Variants in SNTG1 observed in about 807,000 individuals in gnomAD.
SNTG1 encodes syntrophin gamma 1.
In SNTG1, 39 loss-of-function variants were observed where a neutral mutation model predicts 74.7. That is an observed-to-expected ratio of 0.52 (90% CI 0.40 to 0.68). SNTG1 has a LOEUF of 0.68. SNTG1 is among the 30% of genes least tolerant of loss of function. The pLI, the probability that SNTG1 is intolerant of heterozygous loss-of-function variation, is 0.00. For synonymous variants in SNTG1, 254 were observed against 217.1 expected (o/e 1.17, Z -1.49); for missense variants, 685 against 609.5 (o/e 1.12, Z -1.30).
At chr8:50,714,164 T>G (rs545225651) in intron 17 of SNTG1, among the ~76,000 whole-genome samples, 2 of 152,164 alleles carry the variant, frequency 1.3e-5, no homozygotes, top group Admixed American at 1.3e-4. Flanking sequence ...GTGTTATTTC[T>G]GATCCCTCTG....
At position 50,368,604 on chromosome 8, in the gene SNTG1, C is replaced by T. The variant is rs116201302; in HGVS notation, c.-27-25608C>T. Among the ~76,000 whole-genome samples the T allele has an allele frequency of 1.8e-3, 280 of 152,088 alleles. 2 individuals are homozygous for T. Among genetic ancestry groups the T allele is most frequent in the African/African-American group, 6.5e-3 (268 of 41,500 alleles). ...TGGATTACACCATCAAAGATCCGGC[C>T]CGTTTGAACTGAAGAGGATAGGGGG... On this transcript the variant is annotated intron_variant, in intron 2 of 18. Transcript: ENST00000642720.
intron 1 of SNTG1, among the ~76,000 whole-genome samples, chr8:50,113,004 T>C (rs1207864710): frequency 1.3e-5 from 2 of 152,154 alleles, no homozygotes; most frequent in Non-Finnish European, 2.9e-5. Flanking sequence ...AGCCCTGTAG[T>C]ATAGTTTGAA....
At chr8:50,351,422 A>T (rs1239181910) in intron 2 of SNTG1, among the ~76,000 whole-genome samples, 2 of 152,216 alleles carry the variant, frequency 1.3e-5, no homozygotes, top group African/African-American at 4.8e-5. Flanking sequence ...CTACCCTTGG[A>T]GCTTTCTAGA....
intron 1 of SNTG1, among the ~76,000 whole-genome samples, chr8:50,152,135 G>A (rs540039508): frequency 5.9e-5 from 9 of 152,168 alleles, no homozygotes; most frequent in East Asian, 3.9e-4. Flanking sequence ...TCTTCTTGTC[G>A]AATTTCTCCC....
chr8:50,464,606 T>C (rs1337545217), intron 8 of SNTG1, among the ~76,000 whole-genome samples: 1 of 151,896 alleles, frequency 6.6e-6, no homozygotes, highest in African/African-American at 2.4e-5. Context: ...ATAATTATAA[T>C]AGCAACAACT....
intron 15 of SNTG1, among the ~76,000 whole-genome samples, chr8:50,683,580 A>G (rs539480459): frequency 6.6e-6 from 1 of 152,296 alleles, no homozygotes; most frequent in South Asian, 2.1e-4. Flanking sequence ...TGCAATTTTT[A>G]CATCTCCCTA....
Position 50,553,059 on chromosome 8 carries a change from CT to C in SNTG1, c.693del (p.Gln232LysfsTer28), listed in dbSNP as rs2094436372. 6.2e-7 allele frequency: 1 copy of C among 1,613,674 alleles called. No homozygotes were observed. Among genetic ancestry groups the C allele is most frequent in the African/African-American group, 1.3e-5 (1 of 74,894 alleles). ...PGTDLSRQNA[F>X]QVIAVDGVCT... ...TTCTGAACATCTGCAGGCAGAATGC[CT>C]TTCAAGTCATTGCTGTGGATGGGGT... On this transcript the variant is annotated frameshift_variant, in exon 12 of 19. Coordinates refer to ENST00000642720, the MANE Select transcript of SNTG1 (RefSeq NM_018967.5). LOFTEE classifies it high-confidence loss of function.
intron 1 of SNTG1, among the ~76,000 whole-genome samples, chr8:50,081,647 T>G (rs1303727919): frequency 6.6e-6 from 1 of 152,094 alleles, no homozygotes; most frequent in Non-Finnish European, 1.5e-5. Context: ...TTGTTTGGTA[T>G]TTTTTAGATG....
Position 50,794,082 on chromosome 8 carries a change from G to C in SNTG1, c.*1253G>C, listed in dbSNP as rs1317966180. On this transcript the variant is annotated 3_prime_UTR_variant, in exon 19 of 19. Coordinates refer to ENST00000642720, the MANE Select transcript of SNTG1 (RefSeq NM_018967.5). ...AACACAGTCTCTGTCCTTCAGTACA[G>C]CTTTTTTGAGATATTTTAAAAAGTC... is the stretch of plus-strand genomic sequence containing the variant. 1.3e-5 allele frequency: 2 copies of C among 150,994 alleles called. No individual in the cohort carries two copies. Among genetic ancestry groups the C allele is most frequent in the Non-Finnish European group, 3.0e-5 (2 of 67,768 alleles). 9.4% of individuals were successfully genotyped at this position (150,994 alleles called of 1,614,324 possible). A position where few individuals can be genotyped will look rare whatever the true frequency, so the allele number is the denominator to read the frequency against.
intron 1 of SNTG1, among the ~76,000 whole-genome samples, chr8:50,131,611 T>C (rs566764412): frequency 6.6e-6 from 1 of 152,276 alleles, no homozygotes; most frequent in Non-Finnish European, 1.5e-5. Flanking sequence ...TGTTTTCATA[T>C]CTTGGCTATT....
chr8:50,698,076 T>TG (rs1299362133), intron 15 of SNTG1, among the ~76,000 whole-genome samples: 1 of 152,162 alleles, frequency 6.6e-6, no homozygotes, highest in Non-Finnish European at 1.5e-5. Flanking sequence ...TTTTCTTTGT[T>TG]GGGAGACTTT....
rs1015909396 is a variant in SNTG1 at position 50,441,869 on chromosome 8, T to A, written c.219+3270T>A. Among the ~76,000 whole-genome samples the A allele has an allele frequency of 1.3e-4, 20 of 152,210 alleles. 1 individual carries two copies. The highest frequency in any genetic ancestry group is 6.5e-5 in the Admixed American group (1 of 15,282). The stretch of plus-strand genomic sequence containing the variant: ...GGTAGGAATTACTGATTTATCTTCA[T>A]GGACTTATTTGTCCTTTAGATTCCT... On this transcript the variant is annotated intron_variant, in intron 5 of 18. Coordinates refer to ENST00000642720, the MANE Select transcript of SNTG1 (RefSeq NM_018967.5).
At chr8:50,633,789 G>A (rs945500009) in intron 13 of SNTG1, among the ~76,000 whole-genome samples, 1 of 152,150 alleles carries the variant, frequency 6.6e-6, no homozygotes. Flanking sequence ...GGTGAGGAGT[G>A]CCAGTATTTA....
chr8:50,628,540 AT>A (rs148593727), intron 13 of SNTG1, among the ~76,000 whole-genome samples: 3 of 150,382 alleles, frequency 2.0e-5, no homozygotes, highest in Non-Finnish European at 4.5e-5. Context: ...TTTTACTTCC[AT>A]TTTTTTTCTC....
At chr8:50,486,061 A>G (rs2093790589) in intron 8 of SNTG1, among the ~76,000 whole-genome samples, 1 of 152,228 alleles carries the variant, frequency 6.6e-6, no homozygotes, top group Admixed American at 6.5e-5. Flanking sequence ...GCCTTGTAGT[A>G]TAGTTTGAAG....
chr8:50,678,446 G>A (rs553624421), intron 15 of SNTG1, among the ~76,000 whole-genome samples: 1 of 152,156 alleles, frequency 6.6e-6, no homozygotes, highest in East Asian at 1.9e-4. Flanking sequence ...CCTATTTCTG[G>A]AAAATGTGGT....
intron 18 of SNTG1, among the ~76,000 whole-genome samples, chr8:50,785,089 A>T (rs1385954191): frequency 3.3e-5 from 5 of 152,010 alleles, no homozygotes; most frequent in Non-Finnish European, 7.4e-5. Context: ...ATACTATATT[A>T]AGTAATAAAA....
intron 2 of SNTG1, among the ~76,000 whole-genome samples, chr8:50,228,866 G>C (rs1312262718): frequency 6.6e-6 from 1 of 151,708 alleles, no homozygotes; most frequent in African/African-American, 2.4e-5. Context: ...AATACATTAA[G>C]ATATATTTAA....
At chr8:50,470,166 C>T (rs1333650363) in intron 8 of SNTG1, among the ~76,000 whole-genome samples, 2 of 152,108 alleles carry the variant, frequency 1.3e-5, no homozygotes, top group African/African-American at 4.8e-5. Context: ...ATAAATTCCC[C>T]CATTAAGTTC....
Sources: gnomAD v4.1 joint callset for allele counts (sites outside exome capture counted in the v4.1 genomes callset) on GRCh38, gnomAD v4.1.1 for gene constraint, MANE v1.5 for transcripts, NCBI Gene and HGNC (gene_info 2026-07-23, HGNC 2026-07-21) for gene names.